ATP6V0E1: variants seen among roughly 807,000 people sequenced by gnomAD.
The protein encoded by ATP6V0E1 is ATPase H+ transporting V0 subunit e1, also known as V-type proton ATPase subunit e 1.
In ATP6V0E1, 4 loss-of-function variants were observed where a neutral mutation model predicts 11.6. The observed-to-expected ratio is 0.35, with a 90% confidence interval of 0.17 to 0.79. The LOEUF (loss-of-function observed/expected upper bound fraction) is 0.79, where lower values mean the gene tolerates loss of function less well. Ranked by LOEUF, ATP6V0E1 falls within the 30% of genes least tolerant of loss-of-function variation. The probability of loss-of-function intolerance (pLI) is 0.54; values close to 1 mark genes in which losing one functional copy is unlikely to be tolerated. For synonymous variants in ATP6V0E1, 36 were observed against 34.8 expected (o/e 1.04, Z -0.13); for missense variants, 105 against 100.0 (o/e 1.05, Z -0.21).
intron 2 of ATP6V0E1, 129 bp from the exon 3 acceptor site, chr5:173,020,109 A>G: frequency 1.4e-6 from 1 of 690,460 alleles, no homozygotes. Context: ...AACACAATGT[A>G]TATGGAAAGT....
chr5:173,004,378 A>G (rs1248431268), intron 2 of ATP6V0E1, among the ~76,000 whole-genome samples: 2 of 152,180 alleles, frequency 1.3e-5, no homozygotes, highest in Non-Finnish European at 2.9e-5. Context: ...GCCTGTAAAC[A>G]TAAGCAGTCT....
At chr5:173,022,378 C>T (rs1756499322) in intron 3 of ATP6V0E1, among the ~76,000 whole-genome samples, 1 of 152,138 alleles carries the variant, frequency 6.6e-6, no homozygotes. Context: ...TTGTAAAGTC[C>T]TTTTTATCAA....
rs143262063 is a variant in ATP6V0E1 at position 173,011,253 on chromosome 5, C to T, written c.153-8985C>T. ...CTAGAGTGCAGTGGCATGATCATAGCTCACGGCAGCCTTGACCTCCGGCCA... is the reference window on the plus strand; with the variant it reads ...CTAGAGTGCAGTGGCATGATCATAGTTCACGGCAGCCTTGACCTCCGGCCA... On this transcript the variant is annotated intron_variant, in intron 2 of 3. Transcript: ENST00000519374. 8.9e-3 allele frequency among the ~76,000 whole-genome samples: 1,300 copies of T among 146,756 alleles called. 18 individuals carry two copies. The highest frequency in any genetic ancestry group is 0.031 in the African/African-American group (1,240 of 39,752).
chr5:172,999,330 T>G (rs1004079849), intron 2 of ATP6V0E1, among the ~76,000 whole-genome samples: 3 of 152,178 alleles, frequency 2.0e-5, no homozygotes. Flanking sequence ...CACTTTTTTT[T>G]TTTTCTTTCT....
Position 172,994,782 on chromosome 5 carries a change from A to G in ATP6V0E1, c.112A>G (p.Ile38Val). 6.3e-7 allele frequency: 1 copy of G among 1,583,208 alleles called. No individual in the cohort carries two copies. Among genetic ancestry groups the G allele is most frequent in the Non-Finnish European group, 8.6e-7 (1 of 1,169,422 alleles). The change falls in exon 2 of 4, where the codon ATT (isoleucine) becomes GTT (valine). Residue 38 changes from isoleucine (I) to valine (V), a missense_variant. By Grantham distance (29) the Ile-to-Val change is conservative (BLOSUM62 3). Coordinates refer to ENST00000519374, the MANE Select transcript of ATP6V0E1 (RefSeq NM_003945.4). ...IPKGPNRGVI[I>V]TMLVTCSVCC... The stretch of plus-strand genomic sequence containing the variant: ...ATTTTTTTTTTTTTTTAGAGTTATC[A>G]TTACCATGTTGGTGACCTGTTCAGT...
At chr5:173,013,056 C>A (rs780838485) in intron 2 of ATP6V0E1, among the ~76,000 whole-genome samples, 1 of 152,162 alleles carries the variant, frequency 6.6e-6, no homozygotes, top group East Asian at 1.9e-4. Context: ...TGCTTGTGGT[C>A]CAAGCTACTC....
chr5:172,984,937 T>C (rs1381150951), intron 1 of ATP6V0E1, among the ~76,000 whole-genome samples: 2 of 152,172 alleles, frequency 1.3e-5, no homozygotes, highest in African/African-American at 2.4e-5. Flanking sequence ...AATAGTTCTA[T>C]TGTCTTTATT....
intron 3 of ATP6V0E1, among the ~76,000 whole-genome samples, chr5:173,024,405 G>GT (rs1268616706): frequency 6.6e-6 from 1 of 151,822 alleles, no homozygotes; most frequent in East Asian, 1.9e-4. Flanking sequence ...TGTTGTTGTT[G>GT]TTTTTTGTCT....
chr5:173,026,075 C>G (rs1756555131), intron 3 of ATP6V0E1, among the ~76,000 whole-genome samples: 1 of 152,048 alleles, frequency 6.6e-6, no homozygotes, highest in South Asian at 2.1e-4. Context: ...TAGCTCACTG[C>G]AACCTCCGCT....
rs773844663 is a variant in ATP6V0E1, at chr5:172,983,827, C to G, written c.-34C>G. 1.9e-6 allele frequency: 3 copies of G among 1,597,662 alleles called. No individual in the cohort carries two copies. Among genetic ancestry groups the G allele is most frequent in the African/African-American group, 1.3e-5 (1 of 74,720 alleles). On this transcript the variant is annotated 5_prime_UTR_variant, in exon 1 of 4. Transcript: ENST00000519374. Reference sequence around the variant, plus strand: ...ACTTCCTGGTGGGATCCGAGTGAGGCGACGGGGTAGGGGTTGGCGCTCAGG... The same window carrying G: ...ACTTCCTGGTGGGATCCGAGTGAGGGGACGGGGTAGGGGTTGGCGCTCAGG...
At chr5:173,017,620 A>G (rs1457554610) in intron 2 of ATP6V0E1, among the ~76,000 whole-genome samples, 4 of 151,646 alleles carry the variant, frequency 2.6e-5, no homozygotes, top group Admixed American at 6.6e-5. Flanking sequence ...AGGTGGGCGG[A>G]TCACAAGGTC....
intron 1 of ATP6V0E1, among the ~76,000 whole-genome samples, chr5:172,990,233 G>A (rs1355774898): frequency 4.0e-5 from 6 of 151,854 alleles, no homozygotes; most frequent in Non-Finnish European, 7.4e-5. Flanking sequence ...CCTAAATAAA[G>A]CCCCTGGCTC....
At chr5:172,998,131 A>G (rs1451915039) in intron 2 of ATP6V0E1, among the ~76,000 whole-genome samples, 4 of 151,594 alleles carry the variant, frequency 2.6e-5, no homozygotes, top group African/African-American at 9.7e-5. Context: ...AGTTGTGATA[A>G]ATGATGTTGT....
intron 1 of ATP6V0E1, among the ~76,000 whole-genome samples, chr5:172,990,833 TAA>T (rs201409111): frequency 7.3e-5 from 10 of 137,280 alleles, no homozygotes; most frequent in Admixed American, 2.2e-4. Context: ...TCTCAAAAAT[TAA>T]AAAAAAAAAA....
At chr5:173,006,681 T>C (rs747456336) in intron 2 of ATP6V0E1, among the ~76,000 whole-genome samples, 11 of 152,226 alleles carry the variant, frequency 7.2e-5, no homozygotes, top group Non-Finnish European at 1.6e-4. Context: ...CTGTTTGCTG[T>C]GCCCTGTGAG....
At chr5:173,026,540 C>G (rs894513429) in intron 3 of ATP6V0E1, among the ~76,000 whole-genome samples, 1 of 152,176 alleles carries the variant, frequency 6.6e-6, no homozygotes, top group African/African-American at 2.4e-5. Flanking sequence ...TATATACACA[C>G]ATACACACTG....
At chr5:172,998,231 G>T (rs1373683217) in intron 2 of ATP6V0E1, among the ~76,000 whole-genome samples, 1 of 109,876 alleles carries the variant, frequency 9.1e-6, no homozygotes, top group African/African-American at 3.8e-5. Flanking sequence ...GTTAAAAGAA[G>T]CTTGTTCAGG....
rs571474123 is a variant in ATP6V0E1 at position 172,984,958 on chromosome 5, G to T, written c.104+994G>T. Among the ~76,000 whole-genome samples the T allele has an allele frequency of 6.6e-5, 10 of 152,226 alleles. No individual in the cohort carries two copies. The East Asian group carries it at 7.7e-4, about 12-fold the overall frequency. On this transcript the variant is annotated intron_variant, in intron 1 of 3. Transcript: ENST00000519374. ...TCTATTGTCTTTATTAAAAGAAAAA[G>T]ATTTTTGGCCAGGTGCCGTGGCTCA...
chr5:172,992,144 G>A (rs1318275840), intron 1 of ATP6V0E1, among the ~76,000 whole-genome samples: 2 of 151,798 alleles, frequency 1.3e-5, no homozygotes, highest in Non-Finnish European at 2.9e-5. Context: ...TCCGCCTCCC[G>A]GGTTCACGCC....
Sources: allele counts gnomAD v4.1 joint callset (sites outside exome capture counted in the v4.1 genomes callset), GRCh38; gene constraint gnomAD v4.1.1; transcripts MANE v1.5; gene names NCBI Gene and HGNC (gene_info 2026-07-23, HGNC 2026-07-21).